SUCO: variants seen among roughly 807,000 people sequenced by gnomAD.
SUCO encodes SUN domain-containing ossification factor.
A neutral mutation model predicts 148.1 loss-of-function variants in SUCO; 57 were observed. The ratio of observed to expected loss-of-function variants is 0.38; its 90% CI spans 0.31 to 0.48. SUCO has a LOEUF of 0.48. SUCO is among the 20% of genes least tolerant of loss of function. SUCO has a pLI of 0.96. For synonymous variants in SUCO, 470 were observed against 502.7 expected (o/e 0.93, Z 0.87); for missense variants, 1,331 against 1,468.2 (o/e 0.91, Z 1.53).
At position 172,584,948 on chromosome 1, in the gene SUCO, ACTAT is replaced by A. The variant is rs1353235023; in HGVS notation, c.1499-67_1499-64del. ...AAAGATCATTCTAAATGATTTTTTG[ACTAT>A]CTGATATTAATTTATATTAGAATAT... On this transcript the variant is annotated intron_variant, in intron 15 of 23. Coordinates refer to ENST00000263688, the MANE Select transcript of SUCO (RefSeq NM_014283.5). 2.1e-5 allele frequency: 21 copies of A among 992,002 alleles called. 1 individual carries two copies. In the Admixed American group the frequency reaches 3.0e-4, roughly 14 times the overall value. 61.4% of individuals were successfully genotyped at this position (992,002 alleles called of 1,614,324 possible).
At chr1:172,593,320 G>A (rs537745913) in intron 19 of SUCO, among the ~76,000 whole-genome samples, 1 of 152,318 alleles carries the variant, frequency 6.6e-6, no homozygotes, top group African/African-American at 2.4e-5. Context: ...TGTTGAATAG[G>A]AGTGGTGAGA....
intron 13 of SUCO, 40 bp downstream of exon 13, chr1:172,577,859 A>T: frequency 1.3e-6 from 2 of 1,493,290 alleles, no homozygotes; most frequent in Non-Finnish European, 1.8e-6. Flanking sequence ...TTTTTAAAAA[A>T]ATTGATATAC....
chr1:172,542,629 C>A, intron 1 of SUCO: 1 of 509,178 alleles, frequency 2.0e-6, no homozygotes, highest in Non-Finnish European at 2.5e-6. Context: ...GTTGTGTACT[C>A]CTTATGAGAA....
intron 22 of SUCO, among the ~76,000 whole-genome samples, chr1:172,607,662 A>AT (rs765935403): frequency 2.7e-3 from 401 of 151,270 alleles, no homozygotes; most frequent in African/African-American, 3.1e-3. Flanking sequence ...GCTTTTAGTG[A>AT]TTTTTTTTAA....
intron 1 of SUCO, among the ~76,000 whole-genome samples, chr1:172,550,345 A>G (rs1421561269): frequency 1.3e-5 from 2 of 152,026 alleles, no homozygotes; most frequent in Non-Finnish European, 2.9e-5. Flanking sequence ...TCTACTTACT[A>G]GAAGATTTCT....
chr1:172,559,907 G>C (rs1401693897), intron 6 of SUCO, among the ~76,000 whole-genome samples: 1 of 152,084 alleles, frequency 6.6e-6, no homozygotes, highest in Non-Finnish European at 1.5e-5. Flanking sequence ...TGATGTCCAA[G>C]ACCCGCCTCC....
intron 6 of SUCO, among the ~76,000 whole-genome samples, chr1:172,564,827 A>G (rs1249098452): frequency 6.6e-6 from 1 of 152,148 alleles, no homozygotes; most frequent in African/African-American, 2.4e-5. Flanking sequence ...AACATTCTTT[A>G]TGTCTCTCTT....
intron 19 of SUCO, among the ~76,000 whole-genome samples, chr1:172,594,835 TA>T (rs1376889630): frequency 6.6e-6 from 1 of 152,238 alleles, no homozygotes; most frequent in African/African-American, 2.4e-5. Context: ...ATATCTTTGT[TA>T]ACTTTCTGTC....
intron 6 of SUCO, 32 bp downstream of exon 6, chr1:172,557,826 C>T: frequency 6.7e-7 from 1 of 1,497,386 alleles, no homozygotes; most frequent in East Asian, 2.3e-5. Flanking sequence ...TCTCTTACTT[C>T]TTTATGTAAT....
chr1:172,545,042 G>T (rs899006379), intron 1 of SUCO, among the ~76,000 whole-genome samples: 1 of 152,186 alleles, frequency 6.6e-6, no homozygotes, highest in African/African-American at 2.4e-5. Flanking sequence ...AGATGGTCAA[G>T]GGAGGGTGAA....
chr1:172,536,004 G>C (rs1558165978), intron 1 of SUCO, among the ~76,000 whole-genome samples: 1 of 152,056 alleles, frequency 6.6e-6, no homozygotes, highest in Non-Finnish European at 1.5e-5. Context: ...GAGTATTCTA[G>C]GCATAAATGC....
At chr1:172,535,738 C>A (rs902066429) in intron 1 of SUCO, among the ~76,000 whole-genome samples, 2 of 152,134 alleles carry the variant, frequency 1.3e-5, no homozygotes, top group Non-Finnish European at 2.9e-5. Context: ...CTGTTTTGTA[C>A]ATTGAGTGCT....
chr1:172,578,542 A>G, intron 14 of SUCO, 153 bp downstream of exon 14: 1 of 974,300 alleles, frequency 1.0e-6, no homozygotes, highest in Non-Finnish European at 1.2e-6. Context: ...CTTTTACTTA[A>G]ATCTGTTTTC....
chr1:172,586,165 T>TGGG (rs34300126), intron 17 of SUCO, among the ~76,000 whole-genome samples: 4 of 151,594 alleles, frequency 2.6e-5, no homozygotes, highest in African/African-American at 9.7e-5. Flanking sequence ...AAACTTTTTT[T>TGGG]GGGGGGGGTA....
chr1:172,546,590 A>C (rs1367473028), intron 1 of SUCO, among the ~76,000 whole-genome samples: 1 of 152,176 alleles, frequency 6.6e-6, no homozygotes, highest in East Asian at 1.9e-4. Context: ...CTCACTTATT[A>C]ATTACAGGAT....
intron 14 of SUCO, 64 bp downstream of exon 14, chr1:172,578,453 A>G: frequency 6.6e-7 from 1 of 1,514,144 alleles, no homozygotes; most frequent in South Asian, 1.2e-5. Flanking sequence ...ATCGAATAGT[A>G]ATGGGGGAGT....
In SUCO at chr1:172,536,264, G is replaced by A. The variant is rs562954348; in HGVS notation, c.62+2767G>A. On this transcript the variant is annotated intron_variant, in intron 1 of 23. Transcript: ENST00000263688. ...AGCACAGGCTCCTGAGTACTTTATA[G>A]GTCAGAGGCCTGTATTTTATATATG... Among the ~76,000 whole-genome samples the A allele has an allele frequency of 4.7e-5, 7 of 149,144 alleles. No individual in the cohort carries two copies. The South Asian group carries it at 1.5e-3, about 31-fold the overall frequency.
rs367694055 is a variant in SUCO, at chr1:172,573,876, T to A, written c.1050-15T>A. 4.9e-6 allele frequency: 7 copies of A among 1,422,212 alleles called. No individual in the cohort carries two copies. The highest frequency in any genetic ancestry group is 6.9e-6 in the Non-Finnish European group (7 of 1,014,668). 88.1% of individuals were successfully genotyped at this position (1,422,212 alleles called of 1,614,324 possible). A position where few individuals can be genotyped will look rare whatever the true frequency, so the allele number is the denominator to read the frequency against. On this transcript the variant is annotated splice_polypyrimidine_tract_variant and intron_variant, in intron 9 of 23. Transcript: ENST00000263688. Reference sequence around the variant, plus strand: ...TTTGATTGGTTTAAGTAATTGTCTTTTGTTCTTTTTGAAGGTTTGTTATTG... The same window carrying A: ...TTTGATTGGTTTAAGTAATTGTCTTATGTTCTTTTTGAAGGTTTGTTATTG...
chr1:172,598,293 A>G (rs1417633640), intron 19 of SUCO, among the ~76,000 whole-genome samples: 8 of 152,166 alleles, frequency 5.3e-5, no homozygotes, highest in Admixed American at 1.3e-4. Flanking sequence ...CTTTTGTTCT[A>G]TTGATCTGCT....
Sources: gnomAD v4.1 joint callset for allele counts (sites outside exome capture counted in the v4.1 genomes callset) on GRCh38, gnomAD v4.1.1 for gene constraint, MANE v1.5 for transcripts, NCBI Gene and HGNC (gene_info 2026-07-23, HGNC 2026-07-21) for gene names.